The following ZNF101 variants were observed in gnomAD, a reference collection of about 807,000 sequenced individuals.
ZNF101 encodes the protein zinc finger protein 101.
A neutral mutation model predicts 42.6 loss-of-function variants in ZNF101; 34 were observed. That is an observed-to-expected ratio of 0.80 (90% CI 0.61 to 1.06). The LOEUF is 1.06. Ranked by LOEUF, ZNF101 falls within the 50% of genes least tolerant of loss-of-function variation. The pLI, the probability that ZNF101 is intolerant of heterozygous loss-of-function variation, is 0.00. For missense variants in ZNF101, 466 were observed against 530.9 expected, an observed-to-expected ratio of 0.88 and a Z score of 1.20; for synonymous variants, 158 against 183.9, an observed-to-expected ratio of 0.86 and a Z score of 1.14.
Position 19,679,191 on chromosome 19 carries a change from G to A in ZNF101, c.202G>A (p.Glu68Lys). 1.2e-6 allele frequency: 2 copies of A among 1,612,800 alleles called. No individual in the cohort carries two copies. The highest frequency in any genetic ancestry group is 1.7e-6 in the Non-Finnish European group (2 of 1,178,866). ...NLGIKLRSLVERLCGRKEGNE... is the reference protein window; with the variant it reads ...NLGIKLRSLVKRLCGRKEGNE... Reference sequence around the variant, plus strand: ...TGTCATTTTTCATAGAAGTCTGGTGGAGAGACTCTGTGGACGTAAAGAAGG... The same window carrying A: ...TGTCATTTTTCATAGAAGTCTGGTGAAGAGACTCTGTGGACGTAAAGAAGG... The change falls in exon 4 of 4, where the codon GAG (glutamate) becomes AAG (lysine). Residue 68 changes from glutamate (E) to lysine (K), a missense_variant. By Grantham distance (56) the Glu-to-Lys change is moderately conservative (BLOSUM62 1). Transcript: ENST00000592502.
At position 19,679,803 on chromosome 19, in the gene ZNF101, G is replaced by T; in HGVS notation, c.814G>T (p.Glu272Ter). The T allele has an allele frequency of 6.2e-7, 1 of 1,613,806 alleles. No individual in the cohort carries two copies. Among genetic ancestry groups the T allele is most frequent in the Non-Finnish European group, 8.5e-7 (1 of 1,179,848 alleles). ...FISAGYLRTH[E>*]IRSHALEKSH... ...TTCCGCAGGTTACCTTCGGACACAT[G>T]AAATCAGATCTCACGCGCTGGAGAA... is the stretch of plus-strand genomic sequence containing the variant. Residue 272 changes from glutamate (E) to a stop codon, truncating the protein, a stop_gained, in exon 4 of 4, where the codon GAA becomes TAA. Transcript: ENST00000592502. LOFTEE classifies it high-confidence loss of function.
chr19:19,668,468 T>C (rs2062145935), upstream of ZNF101, among the ~76,000 whole-genome samples: 1 of 151,812 alleles, frequency 6.6e-6, no homozygotes, highest in African/African-American at 2.4e-5. Context: ...GAAGGGTCAG[T>C]GGGGAGGAGG....
In ZNF101 at chr19:19,680,265, A is replaced by G. The variant is rs756315836; in HGVS notation, c.1276A>G (p.Arg426Gly). The G allele has an allele frequency of 2.6e-6, 4 of 1,538,998 alleles. No homozygotes were observed. In the Admixed American group the frequency reaches 8.4e-5, roughly 32 times the overall value. The change falls in exon 4 of 4, where the codon AGG (arginine) becomes GGG (glycine). Residue 426 changes from arginine (R) to glycine (G), a missense_variant. Coordinates refer to ENST00000592502, the MANE Select transcript of ZNF101 (RefSeq NM_033204.4). ...GGCCGGGCGTAGCCAGTGCTTTGGC[A>G]GGAGGCAGGGGGATCACCTGAGCCC... ...HLAGRSQCFG[R>G]RQGDHLSPGV
chr19:19,674,259 C>T (rs1287199447), intron 1 of ZNF101, among the ~76,000 whole-genome samples: 1 of 152,118 alleles, frequency 6.6e-6, no homozygotes, highest in African/African-American at 2.4e-5. Context: ...TCACTGCAAC[C>T]TCTGCCTCCT....
At chr19:19,669,862 C>T (rs771071424) in intron 1 of ZNF101, among the ~76,000 whole-genome samples, 1 of 152,098 alleles carries the variant, frequency 6.6e-6, no homozygotes, top group Non-Finnish European at 1.5e-5. Flanking sequence ...CGTTTGTGAA[C>T]ATTTCACATG....
intron 1 of ZNF101, among the ~76,000 whole-genome samples, chr19:19,672,047 A>AC (rs910854349): frequency 9.5e-5 from 14 of 147,922 alleles, no homozygotes; most frequent in Non-Finnish European, 1.8e-4. Context: ...ATATAGTGAG[A>AC]CCCCCATCTT....
Position 19,681,314 on chromosome 19 carries a change from G to A in ZNF101, c.*1014G>A, listed in dbSNP as rs541686411. 6.6e-6 allele frequency: 1 copy of A among 152,206 alleles called. No individual in the cohort carries two copies. The highest frequency in any genetic ancestry group is 6.5e-5 in the Admixed American group (1 of 15,284). The allele number at this position is 152,206 out of a possible 1,614,324, so 9.4% of individuals were successfully genotyped here. A position where few individuals can be genotyped will look rare whatever the true frequency, so the allele number is the denominator to read the frequency against. ...AAATTGTAGAAATGTACAGAATATGGGGAAACTCTCATTGCTCTCATCTCC... is the reference window on the plus strand; with the variant it reads ...AAATTGTAGAAATGTACAGAATATGAGGAAACTCTCATTGCTCTCATCTCC... On this transcript the variant is annotated 3_prime_UTR_variant, in exon 4 of 4. Coordinates refer to ENST00000592502, the MANE Select transcript of ZNF101 (RefSeq NM_033204.4).
intron 1 of ZNF101, among the ~76,000 whole-genome samples, chr19:19,669,668 T>C (rs1599446327): frequency 6.6e-6 from 1 of 151,964 alleles, no homozygotes; most frequent in East Asian, 1.9e-4. Context: ...TAACTTGTAT[T>C]TTCAGTAGAG....
Position 19,682,466 on chromosome 19 carries a change from C to T in ZNF101, c.*2166C>T, listed in dbSNP as rs888792064. 1.3e-5 allele frequency: 2 copies of T among 152,134 alleles called. No homozygotes were observed. The highest frequency in any genetic ancestry group is 4.8e-5 in the African/African-American group (2 of 41,430). 9.4% of individuals were successfully genotyped at this position (152,134 alleles called of 1,614,324 possible). ...GAACTCCTGACCTCAAGGAATCCAT[C>T]CTCTTCAGCCTCGCAAAGTGCTGAG... On this transcript the variant is annotated 3_prime_UTR_variant, in exon 4 of 4. Coordinates refer to ENST00000592502, the MANE Select transcript of ZNF101 (RefSeq NM_033204.4).
chr19:19,680,355 G>A lies in ZNF101; in HGVS notation c.*55G>A, dbSNP rs1166835820. The A allele has an allele frequency of 3.2e-5, 33 of 1,025,402 alleles. No individual in the cohort carries two copies. The highest frequency in any genetic ancestry group is 1.1e-4 in the East Asian group (4 of 37,306). The allele number at this position is 1,025,402 out of a possible 1,614,324, so 63.5% of individuals were successfully genotyped here. On this transcript the variant is annotated 3_prime_UTR_variant, in exon 4 of 4. Transcript: ENST00000592502. ...ATATCGGCTGGGTACGGTGGCTCACGCTTGTAATCCCAGCACTTTGGGAGG... is the reference window on the plus strand; with the variant it reads ...ATATCGGCTGGGTACGGTGGCTCACACTTGTAATCCCAGCACTTTGGGAGG...
At position 19,670,464 on chromosome 19, in the gene ZNF101, C is replaced by A. The variant is rs112933853; in HGVS notation, c.3+1498C>A. Among the ~76,000 whole-genome samples the A allele has an allele frequency of 6.5e-3, 986 of 152,308 alleles. 11 individuals are homozygous for A. Among genetic ancestry groups the A allele is most frequent in the African/African-American group, 0.022 (901 of 41,582 alleles). ...ATGTTGCCCAGTCTGCTCTGGAAGT[C>A]AAAAGCGATTCTCCTGCCCAGGTGG... is the stretch of plus-strand genomic sequence containing the variant. On this transcript the variant is annotated intron_variant, in intron 1 of 3. Coordinates refer to ENST00000592502, the MANE Select transcript of ZNF101 (RefSeq NM_033204.4).
At position 19,670,948 on chromosome 19, in the gene ZNF101, A is replaced by G. The variant is rs1191602929; in HGVS notation, c.3+1982A>G. 4.6e-5 allele frequency among the ~76,000 whole-genome samples: 7 copies of G among 152,300 alleles called. No individual in the cohort carries two copies. The East Asian group carries it at 7.7e-4, about 17-fold the overall frequency. ...GGGAAACCCCGTCTCTACTAAAAAT[A>G]CAAAAAAATTAGCCAGGCGTGGTGG... On this transcript the variant is annotated intron_variant, in intron 1 of 3. Coordinates refer to ENST00000592502, the MANE Select transcript of ZNF101 (RefSeq NM_033204.4).
At chr19:19,673,248 C>CTT (rs34694853) in intron 1 of ZNF101, among the ~76,000 whole-genome samples, 2,194 of 116,072 alleles carry the variant, frequency 0.019, 77 homozygotes, top group South Asian at 0.039. Flanking sequence ...AATGTGCTGG[C>CTT]TTTTTTTTTT....
In ZNF101 at chr19:19,679,457, T is replaced by C. The variant is rs757273461; in HGVS notation, c.468T>C (p.Gly156=). ...HGKASISPSS[G]ARRTVTPTRK... is the part of the protein sequence containing the mutation. ...AAGCCTCCATTTCCCCCAGTAGTGGTGCACGGCGCACAGTAACACCAACTC... is the reference window on the plus strand; with the variant it reads ...AAGCCTCCATTTCCCCCAGTAGTGGCGCACGGCGCACAGTAACACCAACTC... Residue 156 remains glycine, a synonymous_variant, in exon 4 of 4, where the codon GGT becomes GGC. Coordinates refer to ENST00000592502, the MANE Select transcript of ZNF101 (RefSeq NM_033204.4). The C allele has an allele frequency of 1.2e-6, 2 of 1,614,098 alleles. No homozygotes were observed. Among genetic ancestry groups the C allele is most frequent in the Admixed American group, 1.7e-5 (1 of 59,994 alleles).
upstream of ZNF101, among the ~76,000 whole-genome samples, chr19:19,668,494 G>T (rs1246993449): frequency 6.6e-6 from 1 of 152,042 alleles, no homozygotes; most frequent in African/African-American, 2.4e-5. Context: ...TTCTAGCCCG[G>T]GGGGAGTTGT....
At chr19:19,678,030 A>G in intron 2 of ZNF101, 40 bp downstream of exon 2, 1 of 1,594,884 alleles carries the variant, frequency 6.3e-7, no homozygotes. Context: ...TTAGAAGACA[A>G]GTGTGTTTTG....
intron 1 of ZNF101, among the ~76,000 whole-genome samples, chr19:19,670,636 A>G (rs2062162456): frequency 6.6e-6 from 1 of 152,136 alleles, no homozygotes; most frequent in Non-Finnish European, 1.5e-5. Context: ...GCATGCCTGT[A>G]GTCTCAGCTA....
In ZNF101 at chr19:19,682,295, C is replaced by A. The variant is rs1249071656; in HGVS notation, c.*1995C>A. On this transcript the variant is annotated 3_prime_UTR_variant, in exon 4 of 4. Coordinates refer to ENST00000592502, the MANE Select transcript of ZNF101 (RefSeq NM_033204.4). ...AGTGCAGTGGCGCGATCTTGACTCA[C>A]TGTAACCTCTGACTTCTGGGTTCAA... The A allele has an allele frequency of 6.6e-6, 1 of 152,002 alleles. No homozygotes were observed. The highest frequency in any genetic ancestry group is 1.5e-5 in the Non-Finnish European group (1 of 68,002). 9.4% of individuals were successfully genotyped at this position (152,002 alleles called of 1,614,324 possible). A position where few individuals can be genotyped will look rare whatever the true frequency, so the allele number is the denominator to read the frequency against.
intron 1 of ZNF101, among the ~76,000 whole-genome samples, chr19:19,674,342 G>A (rs938475950): frequency 2.0e-5 from 3 of 151,710 alleles, no homozygotes; most frequent in African/African-American, 7.3e-5. Flanking sequence ...ACACCTGGCT[G>A]ATTGTGTATT....
Sources: gnomAD v4.1 joint callset for allele counts (sites outside exome capture counted in the v4.1 genomes callset) on GRCh38, gnomAD v4.1.1 for gene constraint, MANE v1.5 for transcripts, NCBI Gene and HGNC (gene_info 2026-07-23, HGNC 2026-07-21) for gene names.